Variants in FOCAD observed in about 807,000 individuals in gnomAD.
FOCAD encodes focadhesin, also known as KIAA1797.
FOCAD carries 198 observed loss-of-function variants against 225.6 expected under a neutral mutation model. The ratio of observed to expected loss-of-function variants is 0.88; its 90% CI spans 0.78 to 0.99. The LOEUF (loss-of-function observed/expected upper bound fraction) is 0.99, where lower values mean the gene tolerates loss of function less well. Ranked by LOEUF, FOCAD falls within the 50% of genes least tolerant of loss-of-function variation. The pLI, the probability that FOCAD is intolerant of heterozygous loss-of-function variation, is 0.00. For missense variants in FOCAD, 2,713 were observed against 2,123.6 expected (o/e 1.28, Z -5.46); for synonymous variants, 897 against 755.0 (o/e 1.19, Z -3.08).
At chr9:20,746,423 G>T (rs1828042966) in intron 5 of FOCAD, among the ~76,000 whole-genome samples, 1 of 151,994 alleles carries the variant, frequency 6.6e-6, no homozygotes, top group South Asian at 2.1e-4. Context: ...CAAAGACCGG[G>T]TTTTACTTAA....
rs372710152 is a variant in FOCAD, at chr9:20,667,426, A to T, written c.-78+8600A>T. Among the ~76,000 whole-genome samples the T allele has an allele frequency of 4.6e-4, 70 of 152,382 alleles. 2 individuals are homozygous for T. In the South Asian group the frequency reaches 0.014, roughly 31 times the overall value. ...AGAAGGAAGAGGACAAGTTTGTGCC[A>T]TATAATTTTATAATTGGGAATTTAA... On this transcript the variant is annotated intron_variant, in intron 2 of 45. Transcript: ENST00000380249.
intron 15 of FOCAD, among the ~76,000 whole-genome samples, chr9:20,837,353 T>A (rs1826093568): frequency 6.6e-6 from 1 of 152,046 alleles, no homozygotes; most frequent in African/African-American, 2.4e-5. Flanking sequence ...TCAAACAAGC[T>A]GGACACTGGG....
chr9:20,925,118 T>A (rs141846515), intron 25 of FOCAD, among the ~76,000 whole-genome samples: 1 of 152,318 alleles, frequency 6.6e-6, no homozygotes, highest in East Asian at 1.9e-4. Flanking sequence ...TGAATGATAT[T>A]AGTTAATTAC....
intron 39 of FOCAD, among the ~76,000 whole-genome samples, chr9:20,986,021 A>G (rs952453105): frequency 6.6e-6 from 1 of 152,018 alleles, no homozygotes; most frequent in African/African-American, 2.4e-5. Flanking sequence ...TTTTATTATT[A>G]TTGTTTGTGT....
At chr9:20,885,931 G>T (rs1347490551) in intron 21 of FOCAD, among the ~76,000 whole-genome samples, 2 of 152,150 alleles carry the variant, frequency 1.3e-5, no homozygotes, top group African/African-American at 4.8e-5. Flanking sequence ...TTATATATCA[G>T]TTATAAGTAA....
intron 21 of FOCAD, among the ~76,000 whole-genome samples, chr9:20,888,922 A>G (rs1831366072): frequency 6.6e-6 from 1 of 152,150 alleles, no homozygotes; most frequent in African/African-American, 2.4e-5. Context: ...TCTTGTGCAA[A>G]TTACCCAGTC....
At chr9:20,784,400 T>C (rs1563986207) in intron 10 of FOCAD, among the ~76,000 whole-genome samples, 1 of 152,106 alleles carries the variant, frequency 6.6e-6, no homozygotes, top group Non-Finnish European at 1.5e-5. Flanking sequence ...TAGGATCACA[T>C]AGTCAGGCAA....
intron 24 of FOCAD, among the ~76,000 whole-genome samples, chr9:20,922,209 T>C (rs1392399504): frequency 6.6e-6 from 1 of 152,208 alleles, no homozygotes; most frequent in African/African-American, 2.4e-5. Flanking sequence ...TGTAGAACTC[T>C]AGCAAAACCC....
At chr9:20,702,856 C>T (rs1824074540) in intron 1 of FOCAD, among the ~76,000 whole-genome samples, 1 of 152,004 alleles carries the variant, frequency 6.6e-6, no homozygotes, top group South Asian at 2.1e-4. Context: ...ATGTTTAATC[C>T]AATATGGTAT....
intron 5 of FOCAD, among the ~76,000 whole-genome samples, chr9:20,753,249 G>A (rs1828733223): frequency 6.6e-6 from 1 of 151,214 alleles, no homozygotes; most frequent in Non-Finnish European, 1.5e-5. Flanking sequence ...GTTTTCAAAG[G>A]GAATGCTTCC....
In FOCAD at chr9:20,823,064, T is replaced by C. The variant is rs1824498355; in HGVS notation, c.1869T>C (p.Ala623=). The C allele has an allele frequency of 1.9e-6, 3 of 1,609,798 alleles. No individual in the cohort carries two copies. The highest frequency in any genetic ancestry group is 2.5e-6 in the Non-Finnish European group (3 of 1,178,242). Residue 623 remains alanine, a synonymous_variant, in exon 15 of 44, where the codon GCT becomes GCC. Transcript: ENST00000338382. ...ATGAATGCACCAAGCCTGATCAAGC[T>C]ACTCCAGCAGCCTTGGTATTACAGG... ...VLNECTKPDQ[A]TPAALVLQGL...
intron 19 of FOCAD, 64 bp from the exon 20 acceptor site, chr9:20,881,807 C>T (rs144164984): frequency 3.8e-5 from 57 of 1,514,490 alleles, no homozygotes; most frequent in Admixed American, 2.4e-4. Flanking sequence ...GAGTTAAGAA[C>T]GCATGTTTCT....
rs1842011357 is a variant in FOCAD at position 20,995,724 on chromosome 9, A to G, written c.*95A>G. The G allele has an allele frequency of 8.1e-6, 9 of 1,106,338 alleles. No individual in the cohort carries two copies. The highest frequency in any genetic ancestry group is 3.6e-5 in the Admixed American group (2 of 55,784). The allele number at this position is 1,106,338 out of a possible 1,614,324, so 68.5% of individuals were successfully genotyped here. A position where few individuals can be genotyped will look rare whatever the true frequency, so the allele number is the denominator to read the frequency against. ...AGAATTCATGCCTGGTATTGCTGAG[A>G]CATGATGCAGAGAGTTAAGGGTCAT... is the stretch of plus-strand genomic sequence containing the variant. On this transcript the variant is annotated 3_prime_UTR_variant, in exon 44 of 44. Coordinates refer to ENST00000338382, the MANE Select transcript of FOCAD (RefSeq NM_001375567.1).
chr9:20,695,854 C>G (rs534960339), intron 1 of FOCAD, among the ~76,000 whole-genome samples: 1 of 152,242 alleles, frequency 6.6e-6, no homozygotes, highest in African/African-American at 2.4e-5. Context: ...TAAATCCAAT[C>G]TGCAGCTAAG....
chr9:20,659,917 A>G (rs927538796), intron 2 of FOCAD, among the ~76,000 whole-genome samples: 5 of 152,250 alleles, frequency 3.3e-5, no homozygotes, highest in Non-Finnish European at 7.3e-5. Flanking sequence ...GCTCAGAGGT[A>G]AAAATTAATG....
At chr9:20,711,677 A>G (rs1824864090) in intron 1 of FOCAD, among the ~76,000 whole-genome samples, 1 of 152,226 alleles carries the variant, frequency 6.6e-6, no homozygotes, top group African/African-American at 2.4e-5. Context: ...TAACTGGGGT[A>G]AAATGAACTG....
intron 15 of FOCAD, among the ~76,000 whole-genome samples, chr9:20,861,728 TAAAAG>T (rs1477165903): frequency 6.6e-6 from 1 of 152,210 alleles, no homozygotes; most frequent in Non-Finnish European, 1.5e-5. Context: ...AATTACAGCT[TAAAAG>T]AAGAGATTGG....
At chr9:20,732,190 C>T (rs1215748006) in intron 4 of FOCAD, among the ~76,000 whole-genome samples, 1 of 152,076 alleles carries the variant, frequency 6.6e-6, no homozygotes, top group Non-Finnish European at 1.5e-5. Context: ...ACTCATGATG[C>T]TTTTGGTTTC....
At position 20,821,007 on chromosome 9, in the gene FOCAD, A is replaced by G; in HGVS notation, c.1729A>G (p.Lys577Glu). ...TGATGTACCTTCTCTTTCGGTGGGC[A>G]AGGAAGTCCAATGGGAGAAACTGAT... ...VSDVPSLSVG[K>E]EVQWEKLIAK... Residue 577 changes from lysine to glutamate, a missense_variant, in exon 14 of 44, where the codon AAG becomes GAG. Transcript: ENST00000338382. 2 of 1,612,860 alleles carry G rather than the reference A, an allele frequency of 1.2e-6. No individual in the cohort carries two copies. Among genetic ancestry groups the G allele is most frequent in the South Asian group, 1.1e-5 (1 of 91,044 alleles).
Sources: allele counts gnomAD v4.1 joint callset (sites outside exome capture counted in the v4.1 genomes callset), GRCh38; gene constraint gnomAD v4.1.1; transcripts MANE v1.5; gene names NCBI Gene and HGNC (gene_info 2026-07-23, HGNC 2026-07-21).